Variants in CRISP3 observed in about 807,000 individuals in gnomAD.
CRISP3 encodes cysteine-rich secretory protein 3.
CRISP3 carries 33 observed loss-of-function variants against 36.1 expected under a neutral mutation model. The ratio of observed to expected loss-of-function variants is 0.91; its 90% CI spans 0.69 to 1.22. CRISP3 has a LOEUF of 1.22. Ranked by LOEUF, CRISP3 falls within the 50% of genes most tolerant of loss-of-function variation. CRISP3 has a pLI of 0.00. For missense variants in CRISP3, 330 were observed against 301.2 expected, an observed-to-expected ratio of 1.10 and a Z score of -0.71; for synonymous variants, 117 against 104.6, an observed-to-expected ratio of 1.12 and a Z score of -0.72.
chr6:49,737,525 A>C, intron 1 of CRISP3, 127 bp from the exon 2 acceptor site: 1 of 948,266 alleles, frequency 1.1e-6, no homozygotes, highest in East Asian at 2.6e-5. Flanking sequence ...ATGTAACAGG[A>C]GAAGACTTGT....
In CRISP3 at chr6:49,728,070, T is replaced by A. The variant is rs1427304669; in HGVS notation, c.*660A>T. On this transcript the variant is annotated 3_prime_UTR_variant, in exon 8 of 8. Transcript: ENST00000263045. ...TGTATTCTTTTTTAAGGAAGTTTTG[T>A]CAAAGAGAAGAGAGGTTTAAAAATG... 1 of 152,154 alleles carries A rather than the reference T, an allele frequency of 6.6e-6. No individual in the cohort carries two copies. The highest frequency in any genetic ancestry group is 1.5e-5 in the Non-Finnish European group (1 of 68,002). 9.4% of individuals were successfully genotyped at this position (152,154 alleles called of 1,614,324 possible). A position where few individuals can be genotyped will look rare whatever the true frequency, so the allele number is the denominator to read the frequency against.
intron 1 of CRISP3, among the ~76,000 whole-genome samples, chr6:49,740,244 C>G (rs1306309515): frequency 1.3e-5 from 2 of 152,194 alleles, no homozygotes; most frequent in Admixed American, 6.5e-5. Context: ...TGCATATTGA[C>G]TGACAACATA....
chr6:49,735,812 A>G (rs1313308536), intron 3 of CRISP3, among the ~76,000 whole-genome samples: 1 of 152,214 alleles, frequency 6.6e-6, no homozygotes, highest in Non-Finnish European at 1.5e-5. Context: ...CAAAAAATCT[A>G]GGTTTATGGT....
intron 4 of CRISP3, among the ~76,000 whole-genome samples, chr6:49,734,115 A>G (rs1046743857): frequency 6.6e-6 from 1 of 152,032 alleles, no homozygotes; most frequent in African/African-American, 2.4e-5. Flanking sequence ...TTTTTTCTTT[A>G]ATGTCTGCTC....
At chr6:49,739,941 T>G (rs2127453257) in intron 1 of CRISP3, among the ~76,000 whole-genome samples, 1 of 152,312 alleles carries the variant, frequency 6.6e-6, no homozygotes, top group African/African-American at 2.4e-5. Context: ...TTTATATGGT[T>G]TTCTGTTCTG....
At chr6:49,731,359 T>A (rs1310582824) in intron 6 of CRISP3, 108 bp from the exon 7 acceptor site, 2 of 496,162 alleles carry the variant, frequency 4.0e-6, no homozygotes, top group Non-Finnish European at 3.6e-6. Flanking sequence ...TAAATGTTTT[T>A]AATTATGTCA....
At chr6:49,733,118 T>C (rs939834950) in intron 6 of CRISP3, 77 bp downstream of exon 6, 2 of 822,944 alleles carry the variant, frequency 2.4e-6, no homozygotes, top group Non-Finnish European at 3.7e-6. Flanking sequence ...TACTTAAATA[T>C]GCTTTTTAGT....
chr6:49,733,406 A>C, intron 5 of CRISP3, 114 bp from the exon 6 acceptor site: 1 of 738,988 alleles, frequency 1.4e-6, no homozygotes, highest in Non-Finnish European at 2.2e-6. Flanking sequence ...TTTTGTTTTC[A>C]TATACCTTAT....
At chr6:49,736,549 G>T in intron 2 of CRISP3, 42 bp from the exon 3 acceptor site, 1 of 1,365,114 alleles carries the variant, frequency 7.3e-7, no homozygotes, top group Non-Finnish European at 1.0e-6. Context: ...AACATTGTTG[G>T]AAATTGCACA....
At chr6:49,735,476 T>G (rs1769024964) in intron 4 of CRISP3, 28 bp downstream of exon 4, 1 of 1,484,950 alleles carries the variant, frequency 6.7e-7, no homozygotes, top group Admixed American at 1.8e-5. Context: ...TGTTGATTTA[T>G]TCAACAAATA....
intron 4 of CRISP3, among the ~76,000 whole-genome samples, chr6:49,734,724 G>C (rs9473646): frequency 0.097 from 14,689 of 151,742 alleles, 784 homozygotes; most frequent in South Asian, 0.2. Flanking sequence ...CAAAAATATA[G>C]ATAACAGTGG....
At position 49,733,229 on chromosome 6, in the gene CRISP3, G is replaced by A. The variant is rs770774679; in HGVS notation, c.526C>T (p.Leu176=). The stretch of plus-strand genomic sequence containing the variant: ...TATTGGCAAACATAGTAGTATTTTA[G>A]AACTTTTTGATTGGGACAGTAGGCA... The part of the protein sequence containing the change: ...GNAYCPNQKV[L]KYYYVCQYCP... The change falls in exon 6 of 8, where the codon CTA becomes TTA. Residue 176 remains leucine, a synonymous_variant. Transcript: ENST00000263045. 5.6e-6 allele frequency: 9 copies of A among 1,610,166 alleles called. No homozygotes were observed. In the South Asian group the frequency reaches 1.0e-4, roughly 18 times the overall value.
At chr6:49,739,410 C>G (rs1202597583) in intron 1 of CRISP3, among the ~76,000 whole-genome samples, 3 of 152,090 alleles carry the variant, frequency 2.0e-5, no homozygotes, top group Non-Finnish European at 4.4e-5. Flanking sequence ...ATTACGGGAG[C>G]TCATCATTCA....
chr6:49,729,379 C>T (rs1483798678), intron 7 of CRISP3, among the ~76,000 whole-genome samples: 1 of 151,954 alleles, frequency 6.6e-6, no homozygotes, highest in Non-Finnish European at 1.5e-5. Context: ...CTCTAATGCC[C>T]CCAGTCTTTC....
chr6:49,738,062 G>C (rs993269571), intron 1 of CRISP3, among the ~76,000 whole-genome samples: 1 of 151,980 alleles, frequency 6.6e-6, no homozygotes, highest in African/African-American at 2.4e-5. Context: ...ATTTAAAAAG[G>C]CAACATTTTT....
chr6:49,743,580 C>A (rs1469455487), intron 1 of CRISP3, among the ~76,000 whole-genome samples: 1 of 152,152 alleles, frequency 6.6e-6, no homozygotes, highest in African/African-American at 2.4e-5. Context: ...TGGTAAATAA[C>A]CCCTTTCATG....
At position 49,727,439 on chromosome 6, in the gene CRISP3, T is replaced by A. The variant is rs893490645; in HGVS notation, c.*1291A>T. ...TAGACTTACCGAAAATTTGGTAAGA[T>A]AGTACAGAGAATTCCTAGATAGCCC... On this transcript the variant is annotated 3_prime_UTR_variant, in exon 8 of 8. Coordinates refer to ENST00000263045, the MANE Select transcript of CRISP3 (RefSeq NM_006061.4). 7.9e-5 allele frequency: 12 copies of A among 152,262 alleles called. No individual in the cohort carries two copies. The highest frequency in any genetic ancestry group is 2.6e-4 in the African/African-American group (11 of 41,578). 9.4% of individuals were successfully genotyped at this position (152,262 alleles called of 1,614,324 possible). A position where few individuals can be genotyped will look rare whatever the true frequency, so the allele number is the denominator to read the frequency against.
At chr6:49,735,974 T>A (rs1769041601) in intron 3 of CRISP3, among the ~76,000 whole-genome samples, 1 of 152,154 alleles carries the variant, frequency 6.6e-6, no homozygotes, top group Admixed American at 6.5e-5. Flanking sequence ...TTTTTTTCTT[T>A]TTTTCCCCCT....
intron 4 of CRISP3, among the ~76,000 whole-genome samples, chr6:49,735,152 C>A (rs1561908364): frequency 6.6e-6 from 1 of 152,118 alleles, no homozygotes; most frequent in Non-Finnish European, 1.5e-5. Context: ...GCCAGAAATT[C>A]TAATTCCAAA....
Sources: allele counts gnomAD v4.1 joint callset (sites outside exome capture counted in the v4.1 genomes callset), GRCh38; gene constraint gnomAD v4.1.1; transcripts MANE v1.5; gene names NCBI Gene and HGNC (gene_info 2026-07-23, HGNC 2026-07-21).